CABLES2: variants seen among roughly 807,000 people sequenced by gnomAD.
CABLES2 encodes Cdk5 and Abl enzyme substrate 2, also known as CDK5 and ABL1 enzyme substrate 2.
CABLES2 carries 35 observed loss-of-function variants against 44.8 expected under a neutral mutation model. That is an observed-to-expected ratio of 0.78 (90% confidence interval 0.60 to 1.04). The LOEUF (loss-of-function observed/expected upper bound fraction) is 1.04. Among genes scored for constraint, CABLES2 ranks in the 50% least tolerant of loss-of-function variants. CABLES2 has a pLI of 0.00. For missense variants in CABLES2, 566 were observed against 615.7 expected (o/e 0.92, Z 0.85); for synonymous variants, 282 against 281.1 (o/e 1.00, Z -0.03).
At chr20:62,398,016 G>A (rs1451554717) in intron 1 of CABLES2, among the ~76,000 whole-genome samples, 7 of 112,400 alleles carry the variant, frequency 6.2e-5, no homozygotes, top group East Asian at 4.0e-4. Flanking sequence ...GGTTATGGCG[G>A]TGGTGGTGGT....
chr20:62,398,249 A>ATGGTGGTGGTGATGGTGATGGTGG, intron 1 of CABLES2, among the ~76,000 whole-genome samples: 1 of 59,768 alleles, frequency 1.7e-5, no homozygotes, highest in Non-Finnish European at 3.4e-5. Flanking sequence ...GATGATGGTG[A>ATGGTGGTGGTGATGGTGATGGTGG]TGGTGGTGGT....
chr20:62,394,192 C>T lies in CABLES2; in HGVS notation c.679G>A (p.Glu227Lys), dbSNP rs1242241335. 6.2e-7 allele frequency: 1 copy of T among 1,613,642 alleles called. No individual in the cohort carries two copies. The highest frequency in any genetic ancestry group is 1.1e-5 in the South Asian group (1 of 91,090). The stretch of plus-strand genomic sequence containing the variant: ...GCTCCTAGCTCCACACCTTCTAGCT[C>T]AAAGACCATCTCGGAAGACACAGAG... ...GVSVSSEMVFELEGVELGADG... is the reference protein window; with the variant it reads ...GVSVSSEMVFKLEGVELGADG... Residue 227 changes from glutamate to lysine, a missense_variant, in exon 5 of 10, where the codon GAG becomes AAG. By Grantham distance (56) the Glu-to-Lys change is moderately conservative. This residue lies in a region of CABLES2 where 436 missense variants were observed against 536.3 expected (regional missense o/e 0.81). Transcript: ENST00000279101.
At chr20:62,406,107 A>G (rs1988278223) in intron 1 of CABLES2, among the ~76,000 whole-genome samples, 1 of 152,076 alleles carries the variant, frequency 6.6e-6, no homozygotes, top group South Asian at 2.1e-4. Flanking sequence ...AGACCCAAAG[A>G]TACCGAGCTG....
At chr20:62,398,071 C>CGGTGGTGGTGGTGGTGATGGT (rs1988080628) in intron 1 of CABLES2, among the ~76,000 whole-genome samples, 1 of 68,234 alleles carries the variant, frequency 1.5e-5, no homozygotes, top group Admixed American at 1.5e-4. Flanking sequence ...GTGGTGGTGA[C>CGGTGGTGGTGGTGGTGATGGT]GGTGGTGGTG....
intron 1 of CABLES2, among the ~76,000 whole-genome samples, chr20:62,398,158 C>CGGTGATGGTGGTAATGGTGGTGGT (rs1988100603): frequency 3.7e-5 from 1 of 26,798 alleles, no homozygotes; most frequent in Non-Finnish European, 6.2e-5. Flanking sequence ...GTGGTGGTGA[C>CGGTGATGGTGGTAATGGTGGTGGT]GGTGATGGTG....
chr20:62,399,112 A>G (rs1477391616), intron 1 of CABLES2, among the ~76,000 whole-genome samples: 5 of 151,826 alleles, frequency 3.3e-5, no homozygotes, highest in Admixed American at 3.3e-4. Flanking sequence ...ATGCCCGACA[A>G]TTTTTTTTGT....
chr20:62,394,139 C>G lies in CABLES2; in HGVS notation c.714+18G>C, dbSNP rs371960230. The stretch of plus-strand genomic sequence containing the variant: ...GGCCCTGACGGCGCTGGGTGTCCAC[C>G]AGCGAAGAGGCTCTTACCTTCCCGT... On this transcript the variant is annotated intron_variant, in intron 5 of 9. Transcript: ENST00000279101. The G allele has an allele frequency of 6.9e-6, 11 of 1,603,406 alleles. No homozygotes were observed. The African/African-American group carries it at 1.5e-4, about 21-fold the overall frequency.
chr20:62,397,947 A>ATGGTGGTGG (rs1569017191), intron 1 of CABLES2, among the ~76,000 whole-genome samples: 76 of 7,224 alleles, frequency 0.011, no homozygotes, highest in Non-Finnish European at 0.017. Flanking sequence ...GATGGTGGTG[A>ATGGTGGTGG]CGGTAGTGGT....
At position 62,388,696 on chromosome 20, in the gene CABLES2, A is replaced by G. The variant is rs953383750; in HGVS notation, c.*2275T>C. 8 of 585,388 alleles carry G rather than the reference A, an allele frequency of 1.4e-5. No individual in the cohort carries two copies. Among genetic ancestry groups the G allele is most frequent in the African/African-American group, 1.3e-4 (7 of 53,736 alleles). The allele number at this position is 585,388 out of a possible 1,614,324, so 36.3% of individuals were successfully genotyped here. On this transcript the variant is annotated 3_prime_UTR_variant, in exon 10 of 10. Transcript: ENST00000279101. Reference sequence around the variant, plus strand: ...ATTTAAAAACAGATATCTAAGACAAAATAACTCAAACATTCTGAGGTCTGA... The same window carrying G: ...ATTTAAAAACAGATATCTAAGACAAGATAACTCAAACATTCTGAGGTCTGA...
At position 62,399,544 on chromosome 20, in the gene CABLES2, G is replaced by A. The variant is rs556823652; in HGVS notation, c.363-2952C>T. ...TTACAGGCGTGAGCCACCACGCCCG[G>A]CCTGTTTTTTTTTTTGAACAGATGC... On this transcript the variant is annotated intron_variant, in intron 1 of 9. Transcript: ENST00000279101. Among the ~76,000 whole-genome samples the A allele has an allele frequency of 3.3e-3, 459 of 140,220 alleles. 3 individuals carry two copies. Among genetic ancestry groups the A allele is most frequent in the African/African-American group, 0.012 (450 of 37,550 alleles). 92.0% of individuals were successfully genotyped at this position (140,220 alleles called of 152,430 possible).
chr20:62,393,682 C>T, intron 5 of CABLES2, 77 bp from the exon 6 acceptor site: 5 of 1,450,480 alleles, frequency 3.4e-6, no homozygotes, highest in South Asian at 1.4e-5. Flanking sequence ...CTGCAGGAAG[C>T]CCAGACGCAC....
chr20:62,398,059 T>TGGTGGTGGTGGC (rs1988078149), intron 1 of CABLES2, among the ~76,000 whole-genome samples: 1 of 78,748 alleles, frequency 1.3e-5, no homozygotes, highest in Non-Finnish European at 2.5e-5. Flanking sequence ...GTGATGGCGA[T>TGGTGGTGGTGGC]GGTGGTGGTG....
chr20:62,392,603 C>G, intron 7 of CABLES2, 108 bp from the exon 8 acceptor site: 3 of 842,124 alleles, frequency 3.6e-6, no homozygotes. Context: ...AACATGCATA[C>G]GGTGTGGCTT....
intron 1 of CABLES2, among the ~76,000 whole-genome samples, chr20:62,400,499 AG>A (rs1391181368): frequency 6.6e-6 from 1 of 152,190 alleles, no homozygotes; most frequent in Non-Finnish European, 1.5e-5. Context: ...AAGCCAGTGA[AG>A]GAGGAGATTT....
intron 1 of CABLES2, among the ~76,000 whole-genome samples, chr20:62,398,187 A>ATGGTGGTGGTGACGG (rs1480176918): frequency 4.3e-5 from 4 of 92,660 alleles, no homozygotes; most frequent in Non-Finnish European, 8.3e-5. Context: ...GGTGGTGGTG[A>ATGGTGGTGGTGACGG]TGGTGATGAT....
chr20:62,389,593 A>G lies in CABLES2; in HGVS notation c.*1378T>C, dbSNP rs957609691. The G allele has an allele frequency of 1.3e-5, 2 of 152,248 alleles. No homozygotes were observed. Among genetic ancestry groups the G allele is most frequent in the Admixed American group, 6.5e-5 (1 of 15,278 alleles). The allele number at this position is 152,248 out of a possible 1,614,324, so 9.4% of individuals were successfully genotyped here. On this transcript the variant is annotated 3_prime_UTR_variant, in exon 10 of 10. Coordinates refer to ENST00000279101, the MANE Select transcript of CABLES2 (RefSeq NM_031215.3). ...TGTATTGTATTAATGGGCTAGAGAC[A>G]AAGTCGTCCCAGAGCCCCTCCAGGG...
Position 62,395,041 on chromosome 20 carries a change from C to T in CABLES2, c.528-27G>A, listed in dbSNP as rs199898744. 145 of 1,585,252 alleles carry T rather than the reference C, an allele frequency of 9.1e-5. No homozygotes were observed. The African/African-American group carries it at 1.3e-3, about 15-fold the overall frequency. ...TGCAGGGGGACGGAGTCAGGGGAGA[C>T]GGGGCCGGGGAGCGGGGCTCAAGGT... On this transcript the variant is annotated intron_variant, in intron 3 of 9. Coordinates refer to ENST00000279101, the MANE Select transcript of CABLES2 (RefSeq NM_031215.3).
chr20:62,401,491 A>T (rs530464825), intron 1 of CABLES2, among the ~76,000 whole-genome samples: 1 of 152,268 alleles, frequency 6.6e-6, no homozygotes, highest in South Asian at 2.1e-4. Flanking sequence ...TGGGCTGGGA[A>T]CCCATGAGAT....
intron 4 of CABLES2, 48 bp from the exon 5 acceptor site, chr20:62,394,313 G>C: frequency 6.7e-7 from 1 of 1,494,512 alleles, no homozygotes; most frequent in Non-Finnish European, 9.3e-7. Context: ...CTGAACTCAG[G>C]CTCTGGCAGC....
Sources: gnomAD v4.1 joint callset for allele counts (sites outside exome capture counted in the v4.1 genomes callset) on GRCh38, gnomAD v4.1.1 for gene constraint, gnomAD v4.1.1 regional missense constraint, MANE v1.5 for transcripts, NCBI Gene and HGNC (gene_info 2026-07-23, HGNC 2026-07-21) for gene names.